RHEX: variants seen among roughly 807,000 people sequenced by gnomAD.
RHEX encodes regulator of hemoglobinization and erythroid cell expansion, also known as regulator of hemoglobinization and erythroid cell expansion protein.
RHEX carries 18 observed loss-of-function variants against 20.1 expected under a neutral mutation model. The ratio of observed to expected loss-of-function variants is 0.90; its 90% CI spans 0.62 to 1.33. The LOEUF is 1.33. RHEX is among the 40% of genes most tolerant of loss of function. The pLI is 0.00. For synonymous variants in RHEX, 87 were observed against 77.1 expected, an observed-to-expected ratio of 1.13 and a Z score of -0.67; for missense variants, 192 against 214.3, an observed-to-expected ratio of 0.90 and a Z score of 0.65.
At chr1:206,087,363 A>G (rs1334242643) in intron 1 of RHEX, among the ~76,000 whole-genome samples, 1 of 152,220 alleles carries the variant, frequency 6.6e-6, no homozygotes, top group Non-Finnish European at 1.5e-5. Flanking sequence ...CTGTCCTTCA[A>G]ATAATTCCCT....
In RHEX at chr1:206,096,781, G is replaced by GTTTTT. The variant is rs1212622253; in HGVS notation, c.-96-945_-96-941dup. Among the ~76,000 whole-genome samples the GTTTTT allele has an allele frequency of 3.2e-3, 429 of 132,708 alleles. 2 individuals carry two copies. Among genetic ancestry groups the GTTTTT allele is most frequent in the Non-Finnish European group, 4.4e-3 (279 of 63,374 alleles). The allele number at this position is 132,708 out of a possible 152,430, so 87.1% of individuals were successfully genotyped here. ...AAGTCCCCTGTTTTTTTTTTTTTTG[G>GTTTTT]TTTTTTTTTTTGAGACAGGGTCTTG... is the stretch of plus-strand genomic sequence containing the variant. On this transcript the variant is annotated intron_variant, in intron 1 of 5. Transcript: ENST00000331555.
At chr1:206,078,132 A>G (rs140218361) in intron 1 of RHEX, among the ~76,000 whole-genome samples, 263 of 152,334 alleles carry the variant, frequency 1.7e-3, no homozygotes, top group Middle Eastern at 6.8e-3. Flanking sequence ...TCCATCCCCA[A>G]GATATCTCAT....
chr1:206,057,529 T>C (rs1662216710), intron 1 of RHEX, among the ~76,000 whole-genome samples: 2 of 152,286 alleles, frequency 1.3e-5, no homozygotes, highest in Admixed American at 1.3e-4. Context: ...ATTTCCAAAG[T>C]TGCAGACTGT....
intron 1 of RHEX, among the ~76,000 whole-genome samples, chr1:206,079,052 AC>A (rs200957154): frequency 0.011 from 1,636 of 152,214 alleles, 29 homozygotes; most frequent in African/African-American, 0.037. Flanking sequence ...GAGCAAGTTA[AC>A]CCCCCCAGTC....
At chr1:206,080,935 T>A (rs1293150730) in intron 1 of RHEX, among the ~76,000 whole-genome samples, 2 of 152,136 alleles carry the variant, frequency 1.3e-5, no homozygotes, top group Non-Finnish European at 2.9e-5. Flanking sequence ...CCCGAGTAGC[T>A]GGGACTACAG....
chr1:206,090,432 C>T (rs1553286911), intron 1 of RHEX, among the ~76,000 whole-genome samples: 1 of 151,988 alleles, frequency 6.6e-6, no homozygotes, highest in African/African-American at 2.4e-5. Context: ...GTCTCGAACT[C>T]TTGACCTCAG....
At chr1:206,057,499 GA>G (rs1204863666) in intron 1 of RHEX, among the ~76,000 whole-genome samples, 9 of 152,370 alleles carry the variant, frequency 5.9e-5, no homozygotes, top group Non-Finnish European at 1.3e-4. Flanking sequence ...CAATTACACA[GA>G]AAAAAATCCA....
chr1:206,086,078 G>A (rs1662834073), intron 1 of RHEX, among the ~76,000 whole-genome samples: 1 of 152,158 alleles, frequency 6.6e-6, no homozygotes, highest in South Asian at 2.1e-4. Flanking sequence ...TCCTCAGCCT[G>A]GCGTTTTGAC....
chr1:206,062,683 G>A (rs1291688815), intron 1 of RHEX, among the ~76,000 whole-genome samples: 1 of 152,138 alleles, frequency 6.6e-6, no homozygotes, highest in Non-Finnish European at 1.5e-5. Context: ...TGAGGAACTT[G>A]GTGAGCTCCC....
intron 1 of RHEX, among the ~76,000 whole-genome samples, chr1:206,081,264 C>T (rs1401994135): frequency 1.3e-5 from 2 of 152,112 alleles, no homozygotes; most frequent in African/African-American, 4.8e-5. Flanking sequence ...AAACATGTAT[C>T]GAGTACATAC....
chr1:206,066,201 G>A (rs907418277), intron 1 of RHEX, among the ~76,000 whole-genome samples: 3 of 152,186 alleles, frequency 2.0e-5, no homozygotes, highest in Non-Finnish European at 4.4e-5. Flanking sequence ...CTGCAGTCTC[G>A]TTGCTCTTAT....
chr1:206,056,517 C>CAGG (rs2102301947), intron 1 of RHEX: 1 of 152,352 alleles, frequency 6.6e-6, no homozygotes, highest in Non-Finnish European at 1.5e-5. Context: ...ATAAGTGTAC[C>CAGG]AGGACTCTAA....
rs1187414505 is a variant in RHEX, at chr1:206,101,867, A to G, written c.434A>G (p.Asn145Ser). 2.5e-6 allele frequency: 4 copies of G among 1,613,984 alleles called. No individual in the cohort carries two copies. The East Asian group carries it at 6.7e-5, about 27-fold the overall frequency. The change falls in exon 6 of 6, where the codon AAT becomes AGT. Residue 145 changes from asparagine (N) to serine (S), a missense_variant. Transcript: ENST00000331555. ...IKEITDYVNV[N>S]PERHKPSFWY... ...GAAATCACAGATTATGTCAATGTCA[A>G]TCCAGAAAGACACAAGCCCAGTTTC...
At chr1:206,076,157 CTTT>C (rs76616915) in intron 1 of RHEX, among the ~76,000 whole-genome samples, 3 of 143,288 alleles carry the variant, frequency 2.1e-5, no homozygotes, top group African/African-American at 7.7e-5. Flanking sequence ...ACCAGGGAGT[CTTT>C]TTTTTTTTTA....
At chr1:206,084,037 C>T (rs1189195940) in intron 1 of RHEX, among the ~76,000 whole-genome samples, 1 of 152,172 alleles carries the variant, frequency 6.6e-6, no homozygotes, top group Non-Finnish European at 1.5e-5. Flanking sequence ...AGACAATGTA[C>T]ATTTAGTGCC....
intron 1 of RHEX, among the ~76,000 whole-genome samples, chr1:206,059,896 G>A (rs574985409): frequency 9.2e-5 from 14 of 152,242 alleles, no homozygotes; most frequent in South Asian, 2.1e-4. Flanking sequence ...CTTCCTAGCC[G>A]TAGCTCTACT....
At chr1:206,090,202 CTTTTTTTTT>C (rs59499927) in intron 1 of RHEX, among the ~76,000 whole-genome samples, 1 of 112,590 alleles carries the variant, frequency 8.9e-6, no homozygotes, top group Non-Finnish European at 1.8e-5. Flanking sequence ...TCTTTTCTTT[CTTTTTTTTT>C]TTTTTTTTTT....
At chr1:206,062,945 C>G (rs538146537) in intron 1 of RHEX, among the ~76,000 whole-genome samples, 1 of 152,156 alleles carries the variant, frequency 6.6e-6, no homozygotes, top group African/African-American at 2.4e-5. Flanking sequence ...CCTTCTAGAA[C>G]GAACAAAGAA....
chr1:206,097,043 G>A (rs1255376137), intron 1 of RHEX, among the ~76,000 whole-genome samples: 9 of 152,110 alleles, frequency 5.9e-5, no homozygotes, highest in Non-Finnish European at 1.2e-4. Context: ...CAAAAGTGCT[G>A]GGATTACAGG....
Sources: allele counts gnomAD v4.1 joint callset (sites outside exome capture counted in the v4.1 genomes callset), GRCh38; gene constraint gnomAD v4.1.1; transcripts MANE v1.5; gene names NCBI Gene and HGNC (gene_info 2026-07-23, HGNC 2026-07-21).